HNRNPU: variants seen among roughly 807,000 people sequenced by gnomAD.
The protein encoded by HNRNPU is HNRNPU antisense RNA 1.
HNRNPU carries 5 observed loss-of-function variants against 94.7 expected under a neutral mutation model. The observed-to-expected ratio is 0.05, with a 90% CI of 0.03 to 0.11. The LOEUF is 0.11. HNRNPU is among the 10% of genes least tolerant of loss of function. The probability of loss-of-function intolerance (pLI) is 1.00; values close to 1 mark genes in which losing one functional copy is unlikely to be tolerated. For missense variants in HNRNPU, 710 were observed against 1,049.2 expected (o/e 0.68, Z 4.47); for synonymous variants, 434 against 381.6 (o/e 1.14, Z -1.60).
At chr1:244,863,046 GGCGCTCCCCTCCCCCGCGGGCCC>G (rs951845592) in intron 1 of HNRNPU, 13 of 322,454 alleles carry the variant, frequency 4.0e-5, no homozygotes, top group African/African-American at 1.6e-4. Context: ...CCGGCGCGGC[GGCGCTCCCCTCCCCCGCGGGCCC>G]GCGCTCCCCG....
In HNRNPU at chr1:244,860,327, G is replaced by C. The variant is rs1553283026; in HGVS notation, c.1017+8C>G. 6.2e-7 allele frequency: 1 copy of C among 1,606,222 alleles called. No homozygotes were observed. On this transcript the variant is annotated splice_region_variant and intron_variant, in intron 4 of 13. Transcript: ENST00000640218. ...AAACAAACAAACAAATCATAAAATT[G>C]CATTTACCTTCATCTCAAAACACAC...
intron 11 of HNRNPU, 101 bp from the exon 12 acceptor site, chr1:244,855,709 T>C (rs2102985182): frequency 2.2e-6 from 3 of 1,378,474 alleles, no homozygotes; most frequent in Middle Eastern, 1.9e-4. Flanking sequence ...CAAAAATAAT[T>C]GTTTAAAGAC....
chr1:244,857,065 G>A lies in HNRNPU; in HGVS notation c.1615-209C>T, dbSNP rs76169958. On this transcript the variant is annotated intron_variant, in intron 8 of 13. Transcript: ENST00000640218. ...ATTCTTTTTAGCTGCTAGATGTTAA[G>A]AGCTCAAAAACACTACGGAAAAAAA... 26,660 of 431,308 alleles carry A rather than the reference G, an allele frequency of 0.062. 1,095 individuals carry two copies. Among genetic ancestry groups the A allele is most frequent in the Non-Finnish European group, 0.08 (19,593 of 245,644 alleles). The allele number at this position is 431,308 out of a possible 1,614,324, so 26.7% of individuals were successfully genotyped here.
intron 6 of HNRNPU, 84 bp from the exon 7 acceptor site, chr1:244,858,358 C>T (rs920866334): frequency 6.3e-5 from 81 of 1,294,794 alleles, no homozygotes; most frequent in Non-Finnish European, 7.4e-5. Context: ...AGGAGCAAAG[C>T]TTATCCTGTG....
At chr1:244,856,658 A>C (rs377461977) in intron 9 of HNRNPU, 33 bp from the exon 10 acceptor site, 1 of 1,611,324 alleles carries the variant, frequency 6.2e-7, no homozygotes, top group African/African-American at 1.3e-5. Flanking sequence ...TTACAACCCT[A>C]AACATTAATT....
chr1:244,858,382 A>C (rs914385228), intron 6 of HNRNPU, 108 bp from the exon 7 acceptor site: 1 of 1,055,926 alleles, frequency 9.5e-7, no homozygotes, highest in Non-Finnish European at 1.4e-6. Context: ...GCTACAGGTT[A>C]AAGAACTATT....
rs376808636 is a variant in HNRNPU, at chr1:244,858,143, T to C, written c.1362A>G (p.Ala454=). ...LFPHVLCHNC[A]VEFNFGQKEK... ...CCTTCTGACCAAAATTAAATTCAACTGCACAGTTGTGGCAGAGAACATGCG... is the reference window on the plus strand; with the variant it reads ...CCTTCTGACCAAAATTAAATTCAACCGCACAGTTGTGGCAGAGAACATGCG... Residue 454 remains alanine, a synonymous_variant, in exon 7 of 14, where the codon GCA becomes GCG. Transcript: ENST00000640218. 1 of 1,614,058 alleles carries C rather than the reference T, an allele frequency of 6.2e-7. No homozygotes were observed. The highest frequency in any genetic ancestry group is 1.3e-5 in the African/African-American group (1 of 74,910).
In HNRNPU at chr1:244,850,337, T is replaced by C. The variant is rs756758297; in HGVS notation, c.*4113A>G. 1.3e-5 allele frequency: 2 copies of C among 152,168 alleles called. No individual in the cohort carries two copies. The highest frequency in any genetic ancestry group is 2.9e-5 in the Non-Finnish European group (2 of 68,034). 9.4% of individuals were successfully genotyped at this position (152,168 alleles called of 1,614,324 possible). A position where few individuals can be genotyped will look rare whatever the true frequency, so the allele number is the denominator to read the frequency against. ...ACTTTTAATGCTTATTTTACAAATA[T>C]GTACCTGTGGTGCTAATACTAGGCA... On this transcript the variant is annotated 3_prime_UTR_variant, in exon 14 of 14. Coordinates refer to ENST00000640218, the MANE Select transcript of HNRNPU (RefSeq NM_031844.3).
Position 244,860,485 on chromosome 1 carries a change from A to T in HNRNPU, c.878-11T>A. The stretch of plus-strand genomic sequence containing the variant: ...GTAGATCACAATTATCTGTAATTAT[A>T]TCAAATACTGTGTTACTTTTGACAT... On this transcript the variant is annotated splice_polypyrimidine_tract_variant and intron_variant, in intron 3 of 13. Transcript: ENST00000640218. 6.3e-7 allele frequency: 1 copy of T among 1,580,902 alleles called. No homozygotes were observed. Among genetic ancestry groups the T allele is most frequent in the Non-Finnish European group, 8.7e-7 (1 of 1,150,524 alleles).
rs1041898398 is a variant in HNRNPU, at chr1:244,851,432, A to G, written c.*3018T>C. On this transcript the variant is annotated 3_prime_UTR_variant, in exon 14 of 14. Transcript: ENST00000640218. ...AATTTATCAAAAAACATGTCATCCA[A>G]TTCCCACAAATGAGACATTTTAAAT... is the stretch of plus-strand genomic sequence containing the variant. 6.6e-6 allele frequency: 1 copy of G among 152,214 alleles called. No homozygotes were observed. Among genetic ancestry groups the G allele is most frequent in the Non-Finnish European group, 1.5e-5 (1 of 68,036 alleles). 9.4% of individuals were successfully genotyped at this position (152,214 alleles called of 1,614,324 possible).
intron 3 of HNRNPU, 155 bp from the exon 4 acceptor site, chr1:244,860,629 C>A: frequency 1.6e-6 from 1 of 623,898 alleles, no homozygotes. Context: ...CAGTTTAAAG[C>A]CCCACTCCCA....
At position 244,858,217 on chromosome 1, in the gene HNRNPU, C is replaced by T. The variant is rs772732188; in HGVS notation, c.1288G>A (p.Val430Ile). 1.5e-5 allele frequency: 24 copies of T among 1,613,754 alleles called. No individual in the cohort carries two copies. The highest frequency in any genetic ancestry group is 1.1e-4 in the South Asian group (10 of 91,080). The stretch of plus-strand genomic sequence containing the variant: ...ACTTCCTTACTGATTTTGAAGGCAA[C>T]GCCAAGATCTTGTCCATTCTTAGCA... ...SYAKNGQDLG[V>I]AFKISKEVLA... The change falls in exon 7 of 14, where the codon GTT becomes ATT. Residue 430 changes from valine to isoleucine, a missense_variant. Coordinates refer to ENST00000640218, the MANE Select transcript of HNRNPU (RefSeq NM_031844.3).
In HNRNPU at chr1:244,851,362, T is replaced by A. The variant is rs927564125; in HGVS notation, c.*3088A>T. 1.3e-5 allele frequency: 2 copies of A among 152,228 alleles called. No individual in the cohort carries two copies. The highest frequency in any genetic ancestry group is 2.4e-5 in the African/African-American group (1 of 41,456). The allele number at this position is 152,228 out of a possible 1,614,324, so 9.4% of individuals were successfully genotyped here. A position where few individuals can be genotyped will look rare whatever the true frequency, so the allele number is the denominator to read the frequency against. On this transcript the variant is annotated 3_prime_UTR_variant, in exon 14 of 14. Transcript: ENST00000640218. ...TTTGTATTTGTGCAATGGAACCCATTATTCACATGGTCCTAGAATAAAAAG... is the reference window on the plus strand; with the variant it reads ...TTTGTATTTGTGCAATGGAACCCATAATTCACATGGTCCTAGAATAAAAAG...
chr1:244,854,702 A>G (rs2102984455), intron 13 of HNRNPU, 199 bp from the exon 14 acceptor site: 2 of 556,108 alleles, frequency 3.6e-6, no homozygotes, highest in East Asian at 2.9e-5. Flanking sequence ...AAACATCATG[A>G]CTTTGTTAGT....
At chr1:244,858,512 T>A in intron 6 of HNRNPU, 1 of 606,518 alleles carries the variant, frequency 1.6e-6, no homozygotes, top group South Asian at 2.1e-5. Flanking sequence ...TAGGTCAATT[T>A]CATGTTCACT....
chr1:244,854,670 T>A, intron 13 of HNRNPU, 167 bp from the exon 14 acceptor site: 1 of 606,794 alleles, frequency 1.6e-6, no homozygotes, highest in Non-Finnish European at 2.9e-6. Context: ...ATCCCATAAT[T>A]ATCAATACAC....
At position 244,864,072 on chromosome 1, in the gene HNRNPU, G is replaced by A; in HGVS notation, c.236C>T (p.Ala79Val). 6.2e-7 allele frequency: 1 copy of A among 1,601,050 alleles called. No homozygotes were observed. The highest frequency in any genetic ancestry group is 2.3e-5 in the East Asian group (1 of 44,206). ...RSGAGLEQEA[A>V]AGGDEEEEEE... Reference sequence around the variant, plus strand: ...CTCCTCCTCTTCATCGCCGCCGGCCGCGGCCTCCTGCTCGAGGCCTGCTCC... The same window carrying A: ...CTCCTCCTCTTCATCGCCGCCGGCCACGGCCTCCTGCTCGAGGCCTGCTCC... The change falls in exon 1 of 14, where the codon GCG becomes GTG. Residue 79 changes from alanine to valine, a missense_variant. This residue lies in a region of HNRNPU where 292 missense variants were observed against 293.4 expected (regional missense o/e 1.00). Coordinates refer to ENST00000640218, the MANE Select transcript of HNRNPU (RefSeq NM_031844.3).
chr1:244,852,753 A>G lies in HNRNPU; in HGVS notation c.*1697T>C, dbSNP rs1220468953. The G allele has an allele frequency of 6.6e-6, 1 of 152,236 alleles. No individual in the cohort carries two copies. Among genetic ancestry groups the G allele is most frequent in the Non-Finnish European group, 1.5e-5 (1 of 68,014 alleles). 9.4% of individuals were successfully genotyped at this position (152,236 alleles called of 1,614,324 possible). On this transcript the variant is annotated 3_prime_UTR_variant, in exon 14 of 14. Transcript: ENST00000640218. Reference sequence around the variant, plus strand: ...GAATTCATATTTATGATCTGATTTTAAAGGGCTAAAACAAAATTCTAAGCA... The same window carrying G: ...GAATTCATATTTATGATCTGATTTTGAAGGGCTAAAACAAAATTCTAAGCA...
chr1:244,856,099 G>C lies in HNRNPU; in HGVS notation c.1972C>G (p.Gln658Glu). The change falls in exon 11 of 14, where the codon CAG becomes GAG. Residue 658 changes from glutamine (Q) to glutamate (E), a missense_variant. By Grantham distance (29) the Gln-to-Glu change is conservative. This residue lies in a region of HNRNPU where 152 missense variants were observed against 238.9 expected (regional missense o/e 0.64). Transcript: ENST00000640218. ...AAGAGTTTTTGGGCTTCTTCCTTCT[G>C]AAGTTCAACATAGGTTATTTCATCA... is the stretch of plus-strand genomic sequence containing the variant. Reference protein sequence around the residue: ...CFDEITYVELQKEEAQKLLEQ... With the variant: ...CFDEITYVELEKEEAQKLLEQ... 1.2e-6 allele frequency: 2 copies of C among 1,613,872 alleles called. No individual in the cohort carries two copies. Among genetic ancestry groups the C allele is most frequent in the East Asian group, 2.2e-5 (1 of 44,858 alleles).
Sources: allele counts gnomAD v4.1 joint callset, GRCh38; gene constraint gnomAD v4.1.1; regional missense constraint gnomAD v4.1.1; transcripts MANE v1.5; gene names NCBI Gene and HGNC (gene_info 2026-07-23, HGNC 2026-07-21).